The following SKAP1 variants were observed in gnomAD, a reference collection of about 807,000 sequenced individuals.
The protein encoded by SKAP1 is src kinase associated phosphoprotein 1.
A neutral mutation model predicts 58.5 loss-of-function variants in SKAP1; 44 were observed. The ratio of observed to expected loss-of-function variants is 0.75; its 90% CI spans 0.59 to 0.97. The LOEUF (loss-of-function observed/expected upper bound fraction) is 0.97. Ranked by LOEUF, SKAP1 falls within the 50% of genes least tolerant of loss-of-function variation. The probability of loss-of-function intolerance (pLI) is 0.00; values close to 1 mark genes in which losing one functional copy is unlikely to be tolerated. For missense variants in SKAP1, 390 were observed against 435.2 expected, an observed-to-expected ratio of 0.90 and a Z score of 0.92; for synonymous variants, 127 against 149.7, an observed-to-expected ratio of 0.85 and a Z score of 1.11.
At chr17:48,246,392 T>G (rs769040183) in intron 4 of SKAP1, among the ~76,000 whole-genome samples, 1 of 152,232 alleles carries the variant, frequency 6.6e-6, no homozygotes, top group Admixed American at 6.5e-5. Context: ...TTTGTGGGTA[T>G]AGCCCCGTTG....
rs1271419125 is a variant in SKAP1, at chr17:48,408,062, T to C, written c.47-11277A>G. 2.6e-5 allele frequency among the ~76,000 whole-genome samples: 4 copies of C among 152,208 alleles called. 1 individual carries two copies. The highest frequency in any genetic ancestry group is 5.9e-5 in the Non-Finnish European group (4 of 68,044). ...TTTTTAGAAAGATCATGAAATACTT[T>C]ACAAAAGTGGTAAGAGTTCAAGTGC... On this transcript the variant is annotated intron_variant, in intron 1 of 12. Coordinates refer to ENST00000336915, the MANE Select transcript of SKAP1 (RefSeq NM_003726.4).
At chr17:48,184,040 TATTTCCACAGTCAGAA>T (rs754036705) in intron 7 of SKAP1, among the ~76,000 whole-genome samples, 7 of 152,224 alleles carry the variant, frequency 4.6e-5, no homozygotes, top group Non-Finnish European at 1.0e-4. Flanking sequence ...AAAATCACTA[TATTTCCACAGTCAGAA>T]ATTTTTAAAT....
intron 4 of SKAP1, among the ~76,000 whole-genome samples, chr17:48,316,418 C>G (rs2066287915): frequency 1.3e-5 from 2 of 152,272 alleles, no homozygotes; most frequent in South Asian, 4.2e-4. Flanking sequence ...GGCTTGATCT[C>G]TCATTTCATT....
chr17:48,403,189 C>G (rs2067523417), intron 1 of SKAP1, among the ~76,000 whole-genome samples: 2 of 147,828 alleles, frequency 1.4e-5, no homozygotes, highest in Admixed American at 1.4e-4. Flanking sequence ...AAATCAAGAC[C>G]CTGTCTCTAC....
intron 4 of SKAP1, among the ~76,000 whole-genome samples, chr17:48,230,062 T>C (rs1452438136): frequency 9.8e-6 from 1 of 101,666 alleles, no homozygotes. Context: ...AAAATCCTTC[T>C]CACTTTTCAA....
intron 8 of SKAP1, among the ~76,000 whole-genome samples, 172 bp from the exon 9 acceptor site, chr17:48,180,420 C>T (rs1380379789): frequency 1.3e-5 from 2 of 152,156 alleles, no homozygotes; most frequent in South Asian, 2.1e-4. Flanking sequence ...AGGAAATCTA[C>T]AGAAAAGGCC....
chr17:48,367,538 A>G (rs377297422), intron 2 of SKAP1, among the ~76,000 whole-genome samples: 1 of 90,802 alleles, frequency 1.1e-5, no homozygotes, highest in African/African-American at 3.8e-5. Context: ...ATGTGTGTGT[A>G]TATATATATA....
intron 10 of SKAP1, among the ~76,000 whole-genome samples, chr17:48,165,286 C>G (rs1382688801): frequency 6.6e-6 from 1 of 152,152 alleles, no homozygotes; most frequent in Non-Finnish European, 1.5e-5. Flanking sequence ...GCTTAAAAGC[C>G]CAGAGTCTGC....
At chr17:48,177,147 A>G (rs1156871919) in intron 9 of SKAP1, among the ~76,000 whole-genome samples, 1 of 152,024 alleles carries the variant, frequency 6.6e-6, no homozygotes, top group African/African-American at 2.4e-5. Context: ...CAGAAGGTGC[A>G]CTCCACATTC....
intron 4 of SKAP1, among the ~76,000 whole-genome samples, chr17:48,258,331 A>G (rs2065449135): frequency 6.6e-6 from 1 of 152,182 alleles, no homozygotes; most frequent in African/African-American, 2.4e-5. Context: ...ATGCTTAACA[A>G]GAACTCACCT....
At chr17:48,312,914 T>C (rs1421424989) in intron 4 of SKAP1, among the ~76,000 whole-genome samples, 5 of 152,156 alleles carry the variant, frequency 3.3e-5, no homozygotes, top group Admixed American at 6.6e-5. Flanking sequence ...GTCTTCTGTG[T>C]GATCAGTAAC....
At chr17:48,247,189 C>A (rs950181765) in intron 4 of SKAP1, among the ~76,000 whole-genome samples, 4 of 152,178 alleles carry the variant, frequency 2.6e-5, no homozygotes, top group Non-Finnish European at 5.9e-5. Context: ...TCCAAGTATG[C>A]ACACAATTTA....
intron 2 of SKAP1, among the ~76,000 whole-genome samples, chr17:48,381,496 T>C (rs1175989920): frequency 6.6e-6 from 1 of 152,234 alleles, no homozygotes; most frequent in Non-Finnish European, 1.5e-5. Flanking sequence ...TGAAGGCTTC[T>C]CAAGCCCACC....
chr17:48,342,503 T>C (rs113241634), intron 4 of SKAP1, among the ~76,000 whole-genome samples: 36 of 126,402 alleles, frequency 2.8e-4, no homozygotes, highest in African/African-American at 4.5e-4. Flanking sequence ...CTAGCACTCT[T>C]TGTAGTTTTC....
intron 3 of SKAP1, among the ~76,000 whole-genome samples, chr17:48,353,834 G>T (rs2066836109): frequency 6.6e-6 from 1 of 150,712 alleles, no homozygotes; most frequent in African/African-American, 2.4e-5. Flanking sequence ...GGAGGCAGAG[G>T]TTGCAGTGAG....
chr17:48,332,015 AATC>A (rs1344558818), intron 4 of SKAP1, among the ~76,000 whole-genome samples: 3 of 152,164 alleles, frequency 2.0e-5, no homozygotes, highest in Non-Finnish European at 1.5e-5. Flanking sequence ...GTTGTAAATT[AATC>A]ATTGTCCTTA....
At chr17:48,342,027 C>G (rs1022026814) in intron 4 of SKAP1, among the ~76,000 whole-genome samples, 4 of 152,102 alleles carry the variant, frequency 2.6e-5, no homozygotes, top group African/African-American at 9.7e-5. Flanking sequence ...TGCAGGGATT[C>G]TTCATTATAC....
chr17:48,251,896 C>G (rs553006647), intron 4 of SKAP1, among the ~76,000 whole-genome samples: 1 of 152,304 alleles, frequency 6.6e-6, no homozygotes, highest in South Asian at 2.1e-4. Context: ...TCAAAATTAT[C>G]TTTTAAATTA....
At chr17:48,376,336 G>T (rs2067150437) in intron 2 of SKAP1, among the ~76,000 whole-genome samples, 1 of 152,168 alleles carries the variant, frequency 6.6e-6, no homozygotes, top group South Asian at 2.1e-4. Flanking sequence ...AGCATGGAGA[G>T]GTTATCTGAT....
Sources: gnomAD v4.1 joint callset for allele counts (sites outside exome capture counted in the v4.1 genomes callset) on GRCh38, gnomAD v4.1.1 for gene constraint, MANE v1.5 for transcripts, NCBI Gene and HGNC (gene_info 2026-07-23, HGNC 2026-07-21) for gene names.